The following SNX6 variants were observed in gnomAD, a reference collection of about 807,000 sequenced individuals.
SNX6 encodes sorting nexin-6.
A neutral mutation model predicts 63.0 loss-of-function variants in SNX6; 34 were observed. The observed-to-expected ratio is 0.54, with a 90% confidence interval of 0.41 to 0.72. The LOEUF is 0.72. SNX6 is among the 30% of genes least tolerant of loss of function. SNX6 has a pLI of 0.00. For missense variants in SNX6, 398 were observed against 471.4 expected (o/e 0.84, Z 1.44); for synonymous variants, 170 against 164.2 (o/e 1.04, Z -0.27).
At chr14:34,605,773 T>C in intron 4 of SNX6, 56 bp from the exon 5 acceptor site, 1 of 1,570,792 alleles carries the variant, frequency 6.4e-7, no homozygotes, top group Non-Finnish European at 8.6e-7. Flanking sequence ...TGAAGCATTG[T>C]ACTACTGCCA....
At chr14:34,616,021 T>C (rs1883406857) in intron 2 of SNX6, among the ~76,000 whole-genome samples, 2 of 152,216 alleles carry the variant, frequency 1.3e-5, no homozygotes, top group African/African-American at 4.8e-5. Flanking sequence ...AGTGGCGTGA[T>C]CTTGGCTCAC....
rs1199920463 is a variant in SNX6 at position 34,611,879 on chromosome 14, C to T, written c.55-2137G>A. ...CTGCAAGCTCCGCCTCCCGGGTTCA[C>T]GCCATTCTCCTGCCTCAGCCTCCCA... On this transcript the variant is annotated intron_variant, in intron 2 of 13. Transcript: ENST00000362031. 7.2e-5 allele frequency among the ~76,000 whole-genome samples: 11 copies of T among 151,728 alleles called. No homozygotes were observed. In the East Asian group the frequency reaches 1.4e-3, roughly 19 times the overall value.
At chr14:34,629,696 G>C in intron 2 of SNX6, 1 of 805,990 alleles carries the variant, frequency 1.2e-6, no homozygotes, top group Middle Eastern at 3.4e-4. Flanking sequence ...GGACAAGAAA[G>C]CGGCCGCGGG....
chr14:34,584,797 G>A (rs1456273027), intron 9 of SNX6, among the ~76,000 whole-genome samples: 1 of 151,734 alleles, frequency 6.6e-6, no homozygotes, highest in African/African-American at 2.4e-5. Context: ...TTATTTCTCA[G>A]ATTTAAAAAA....
chr14:34,609,337 C>T (rs1441433131), intron 3 of SNX6, among the ~76,000 whole-genome samples: 1 of 151,466 alleles, frequency 6.6e-6, no homozygotes, highest in Non-Finnish European at 1.5e-5. Context: ...AAAAATTAGC[C>T]GGACATGGTG....
At chr14:34,617,933 AG>A (rs1256635367) in intron 2 of SNX6, among the ~76,000 whole-genome samples, 3 of 151,806 alleles carry the variant, frequency 2.0e-5, no homozygotes, top group Non-Finnish European at 4.4e-5. Flanking sequence ...AAAAAAAAAA[AG>A]ACTTAGGAAG....
At chr14:34,594,277 A>C (rs977921792) in intron 7 of SNX6, among the ~76,000 whole-genome samples, 1 of 151,538 alleles carries the variant, frequency 6.6e-6, no homozygotes, top group Non-Finnish European at 1.5e-5. Flanking sequence ...ACTATCTGAG[A>C]GCAACAATGT....
At chr14:34,627,467 ATT>A (rs901951958) in intron 2 of SNX6, among the ~76,000 whole-genome samples, 5 of 151,658 alleles carry the variant, frequency 3.3e-5, no homozygotes, top group Admixed American at 3.3e-4. Flanking sequence ...AAAAAAAAAA[ATT>A]GTTTTTTCTT....
intron 6 of SNX6, among the ~76,000 whole-genome samples, chr14:34,599,519 A>G (rs1026612693): frequency 3.9e-5 from 6 of 151,986 alleles, no homozygotes; most frequent in African/African-American, 1.4e-4. Context: ...AGGCAAGAGA[A>G]TCTTTTGAAC....
chr14:34,599,669 G>A (rs934940602), intron 6 of SNX6, among the ~76,000 whole-genome samples: 2 of 151,222 alleles, frequency 1.3e-5, no homozygotes, highest in East Asian at 3.9e-4. Context: ...AGCTACTCGG[G>A]AGGCTGAGGC....
At chr14:34,599,955 T>A (rs981935201) in intron 6 of SNX6, among the ~76,000 whole-genome samples, 1 of 152,014 alleles carries the variant, frequency 6.6e-6, no homozygotes, top group African/African-American at 2.4e-5. Context: ...TAACAGCAAA[T>A]GACTTAAAAC....
intron 7 of SNX6, among the ~76,000 whole-genome samples, chr14:34,595,671 G>A (rs1007722238): frequency 6.6e-6 from 1 of 152,134 alleles, no homozygotes; most frequent in Admixed American, 6.6e-5. Flanking sequence ...GTGCTTCTTG[G>A]AAAGCAGCCA....
In SNX6 at chr14:34,616,207, G is replaced by A. The variant is rs189659708; in HGVS notation, c.55-6465C>T. On this transcript the variant is annotated intron_variant, in intron 2 of 13. Transcript: ENST00000362031. ...CTGACCTCATGATCCACCTGCTTCA[G>A]CCTCCCAAAGTGCTGGGATTACAGG... Among the ~76,000 whole-genome samples the A allele has an allele frequency of 3.4e-3, 499 of 148,116 alleles. 2 individuals are homozygous for A. The highest frequency in any genetic ancestry group is 0.012 in the African/African-American group (485 of 40,676).
chr14:34,565,554 T>A (rs889057963), intron 13 of SNX6, among the ~76,000 whole-genome samples: 7 of 152,194 alleles, frequency 4.6e-5, no homozygotes, highest in Non-Finnish European at 1.5e-5. Context: ...TCTCACTCTG[T>A]CGCCCAAGCT....
At chr14:34,628,396 T>A (rs80244288) in intron 2 of SNX6, among the ~76,000 whole-genome samples, 21,796 of 152,072 alleles carry the variant, frequency 0.14, 1,683 homozygotes, top group East Asian at 0.17. Context: ...GAGGCGGAGC[T>A]TGCAGTGAGC....
intron 2 of SNX6, among the ~76,000 whole-genome samples, chr14:34,626,558 G>A (rs989244395): frequency 1.3e-5 from 2 of 150,972 alleles, no homozygotes; most frequent in Non-Finnish European, 2.9e-5. Flanking sequence ...CAGCTACTCA[G>A]GAGGCTAAGG....
intron 6 of SNX6, among the ~76,000 whole-genome samples, chr14:34,600,212 C>T (rs1882756042): frequency 6.6e-6 from 1 of 152,128 alleles, no homozygotes; most frequent in South Asian, 2.1e-4. Flanking sequence ...GCAGCCTCCG[C>T]CTCCCACATT....
chr14:34,590,451 A>T (rs925933218), intron 8 of SNX6, among the ~76,000 whole-genome samples: 12 of 151,818 alleles, frequency 7.9e-5, no homozygotes, highest in Non-Finnish European at 1.2e-4. Context: ...AAAAAGAATA[A>T]AGCTGAAGGA....
intron 5 of SNX6, chr14:34,604,055 GAA>G (rs77834149): frequency 5.8e-3 from 4,566 of 793,026 alleles, no homozygotes; most frequent in South Asian, 0.012. Context: ...CAGTTTGGGG[GAA>G]AAAAAAAAAA....
Sources: gnomAD v4.1 joint callset for allele counts (sites outside exome capture counted in the v4.1 genomes callset) on GRCh38, gnomAD v4.1.1 for gene constraint, MANE v1.5 for transcripts, NCBI Gene and HGNC (gene_info 2026-07-23, HGNC 2026-07-21) for gene names.